SERGEF: variants seen among roughly 807,000 people sequenced by gnomAD.
The protein encoded by SERGEF is secretion regulating guanine nucleotide exchange factor, also known as secretion-regulating guanine nucleotide exchange factor.
SERGEF carries 51 observed loss-of-function variants against 50.0 expected under a neutral mutation model. The ratio of observed to expected loss-of-function variants is 1.02; its 90% CI spans 0.81 to 1.29. The LOEUF (loss-of-function observed/expected upper bound fraction) is 1.29, where lower values mean the gene tolerates loss of function less well. Among genes scored for constraint, SERGEF ranks in the 50% most tolerant of loss-of-function variants. The pLI is 0.00. For synonymous variants in SERGEF, 205 were observed against 212.4 expected (o/e 0.97, Z 0.30); for missense variants, 521 against 557.0 (o/e 0.94, Z 0.65).
At chr11:17,968,165 C>A (rs190114048) in intron 8 of SERGEF, among the ~76,000 whole-genome samples, 40 of 152,248 alleles carry the variant, frequency 2.6e-4, no homozygotes, top group African/African-American at 8.9e-4. Flanking sequence ...AGAGCCTGAC[C>A]CAGAGGTGGT....
At chr11:17,893,712 G>A (rs1454805186) in intron 9 of SERGEF, among the ~76,000 whole-genome samples, 1 of 152,156 alleles carries the variant, frequency 6.6e-6, no homozygotes, top group African/African-American at 2.4e-5. Flanking sequence ...GATGTGATGA[G>A]TACAGCCAAA....
At chr11:17,828,464 A>G (rs1850240866) in intron 10 of SERGEF, among the ~76,000 whole-genome samples, 1 of 152,242 alleles carries the variant, frequency 6.6e-6, no homozygotes, top group Non-Finnish European at 1.5e-5. Context: ...TACTCCACAC[A>G]GCGCACGGCT....
chr11:17,851,608 G>A (rs1457297008), intron 10 of SERGEF, among the ~76,000 whole-genome samples: 2 of 152,156 alleles, frequency 1.3e-5, no homozygotes, highest in Non-Finnish European at 2.9e-5. Context: ...CCAAAGTCAT[G>A]AAGTCAGCCA....
chr11:17,957,864 AG>A (rs1852908561), intron 9 of SERGEF, among the ~76,000 whole-genome samples: 2 of 152,272 alleles, frequency 1.3e-5, no homozygotes, highest in South Asian at 4.2e-4. Flanking sequence ...AAAGACCAAG[AG>A]GGAAAAAAAC....
At chr11:17,802,541 T>A (rs1422855406) in intron 10 of SERGEF, among the ~76,000 whole-genome samples, 3 of 152,192 alleles carry the variant, frequency 2.0e-5, no homozygotes, top group African/African-American at 4.8e-5. Context: ...CCTTAGCCTA[T>A]AAGGTCCTAT....
intron 9 of SERGEF, among the ~76,000 whole-genome samples, chr11:17,903,257 C>T (rs1021677456): frequency 3.3e-5 from 5 of 151,922 alleles, no homozygotes; most frequent in East Asian, 1.9e-4. Context: ...TGACTCACTG[C>T]GGAAGCCTAC....
At chr11:17,950,183 T>C (rs1019124500) in intron 9 of SERGEF, among the ~76,000 whole-genome samples, 4 of 152,226 alleles carry the variant, frequency 2.6e-5, no homozygotes, top group Non-Finnish European at 5.9e-5. Context: ...AACAATCATT[T>C]GCTCAGCACC....
At chr11:17,887,991 G>A (rs910193589) in intron 9 of SERGEF, among the ~76,000 whole-genome samples, 3 of 152,164 alleles carry the variant, frequency 2.0e-5, no homozygotes, top group Non-Finnish European at 2.9e-5. Flanking sequence ...TACCATCTGA[G>A]CTCCGCCTCC....
At position 17,788,396 on chromosome 11, in the gene SERGEF, A is replaced by G. The variant is rs758518841; in HGVS notation, c.1066T>C (p.Trp356Arg). 6.2e-7 allele frequency: 1 copy of G among 1,609,396 alleles called. No individual in the cohort carries two copies. The highest frequency in any genetic ancestry group is 1.3e-5 in the African/African-American group (1 of 74,832). ...LAIIGGVCYSWGWNEHGMCGD... is the reference protein window; with the variant it reads ...LAIIGGVCYSRGWNEHGMCGD... ...CACATGCCATGCTCATTCCAGCCCC[A>G]AGAGTAACACACTCCACCTGTGAAG... The change falls in exon 11 of 11, where the codon TGG becomes CGG. Residue 356 changes from tryptophan to arginine, a missense_variant. By Grantham distance (101) the Trp-to-Arg change is moderately radical. Coordinates refer to ENST00000265965, the MANE Select transcript of SERGEF (RefSeq NM_012139.4).
chr11:17,886,492 G>C (rs56333041), intron 9 of SERGEF, among the ~76,000 whole-genome samples: 22,870 of 152,026 alleles, frequency 0.15, 2,067 homozygotes, highest in Middle Eastern at 0.28. Context: ...TGTGCCTGTA[G>C]TCCCAGCTAG....
intron 10 of SERGEF, among the ~76,000 whole-genome samples, chr11:17,823,346 T>C (rs1850116847): frequency 1.3e-5 from 2 of 152,146 alleles, no homozygotes; most frequent in Non-Finnish European, 2.9e-5. Flanking sequence ...CTGGGCAAGG[T>C]AGTGTTTGCC....
At chr11:17,961,269 C>A (rs1255373467) in intron 8 of SERGEF, among the ~76,000 whole-genome samples, 3 of 152,178 alleles carry the variant, frequency 2.0e-5, no homozygotes, top group African/African-American at 7.2e-5. Flanking sequence ...CAACACTCTT[C>A]CTTCACTTCT....
intron 3 of SERGEF, among the ~76,000 whole-genome samples, chr11:18,005,602 G>A (rs1854056832): frequency 6.6e-6 from 1 of 152,156 alleles, no homozygotes; most frequent in Non-Finnish European, 1.5e-5. Context: ...CTTGCCAAAG[G>A]ACCGTGGCAA....
chr11:17,992,453 A>G lies in SERGEF; in HGVS notation c.685+478T>C, dbSNP rs551698042. 3.3e-5 allele frequency among the ~76,000 whole-genome samples: 5 copies of G among 152,348 alleles called. No individual in the cohort carries two copies. The East Asian group carries it at 5.8e-4, about 18-fold the overall frequency. Reference sequence around the variant, plus strand: ...GGTAGAGAGCTTAGACAGTTACAATACACACCAAAATAGATTAGATGGATA... The same window carrying G: ...GGTAGAGAGCTTAGACAGTTACAATGCACACCAAAATAGATTAGATGGATA... On this transcript the variant is annotated intron_variant, in intron 7 of 10. Coordinates refer to ENST00000265965, the MANE Select transcript of SERGEF (RefSeq NM_012139.4).
intron 9 of SERGEF, among the ~76,000 whole-genome samples, chr11:17,906,348 C>T (rs960720119): frequency 3.3e-5 from 5 of 152,210 alleles, no homozygotes; most frequent in East Asian, 3.8e-4. Flanking sequence ...CAGTGGCTAA[C>T]GAAGTTTCGG....
chr11:17,788,475 C>T lies in SERGEF; in HGVS notation c.1049-62G>A, dbSNP rs187884132. On this transcript the variant is annotated intron_variant, in intron 10 of 10. Coordinates refer to ENST00000265965, the MANE Select transcript of SERGEF (RefSeq NM_012139.4). ...TTGGATAATAGGGCTGAAACATTCA[C>T]CCTGAGGGTACAGGTATCATCATAA... 10 of 1,399,168 alleles carry T rather than the reference C, an allele frequency of 7.1e-6. No homozygotes were observed. The Admixed American group carries it at 8.2e-5, about 11-fold the overall frequency. 86.7% of individuals were successfully genotyped at this position (1,399,168 alleles called of 1,614,324 possible).
intron 10 of SERGEF, among the ~76,000 whole-genome samples, chr11:17,795,956 C>T (rs532570282): frequency 1.7e-4 from 26 of 152,298 alleles, no homozygotes; most frequent in African/African-American, 3.1e-4. Context: ...CAAAAAGCCA[C>T]GGCCCCCTTC....
intron 9 of SERGEF, among the ~76,000 whole-genome samples, chr11:17,900,079 C>T (rs1851721751): frequency 6.6e-6 from 1 of 152,074 alleles, no homozygotes; most frequent in South Asian, 2.1e-4. Context: ...GAGTAGTGGG[C>T]TAGAGTTTGC....
At chr11:17,925,873 G>C (rs941838825) in intron 9 of SERGEF, among the ~76,000 whole-genome samples, 1 of 152,302 alleles carries the variant, frequency 6.6e-6, no homozygotes, top group South Asian at 2.1e-4. Flanking sequence ...TACCAGCTGT[G>C]TGATCTTGGG....
Sources: allele counts gnomAD v4.1 joint callset (sites outside exome capture counted in the v4.1 genomes callset), GRCh38; gene constraint gnomAD v4.1.1; transcripts MANE v1.5; gene names NCBI Gene and HGNC (gene_info 2026-07-23, HGNC 2026-07-21).